Variants in SH3RF3 observed in about 807,000 individuals in gnomAD.
SH3RF3 encodes E3 ubiquitin-protein ligase SH3RF3.
SH3RF3 carries 29 observed loss-of-function variants against 66.3 expected under a neutral mutation model. The ratio of observed to expected loss-of-function variants is 0.44; its 90% CI spans 0.33 to 0.60. The LOEUF (loss-of-function observed/expected upper bound fraction) is 0.60, where lower values mean the gene tolerates loss of function less well. Among genes scored for constraint, SH3RF3 ranks in the 20% least tolerant of loss-of-function variants. The probability of loss-of-function intolerance (pLI) is 0.04; values close to 1 mark genes in which losing one functional copy is unlikely to be tolerated. For synonymous variants in SH3RF3, 583 were observed against 532.0 expected, an observed-to-expected ratio of 1.10 and a Z score of -1.32; for missense variants, 1,194 against 1,190.9, an observed-to-expected ratio of 1.00 and a Z score of -0.04.
Position 109,369,836 on chromosome 2 carries a change from C to T in SH3RF3, c.850-1750C>T, listed in dbSNP as rs563048002. Reference sequence around the variant, plus strand: ...CAGTTTCTCTGATGATTTCTTAGACCCCACCAGCCTAAAACATCTCTCCCT... The same window carrying T: ...CAGTTTCTCTGATGATTTCTTAGACTCCACCAGCCTAAAACATCTCTCCCT... On this transcript the variant is annotated intron_variant, in intron 2 of 9. Transcript: ENST00000309415. Among the ~76,000 whole-genome samples the T allele has an allele frequency of 2.0e-5, 3 of 152,300 alleles. No individual in the cohort carries two copies. The East Asian group carries it at 5.8e-4, about 29-fold the overall frequency.
intron 1 of SH3RF3, among the ~76,000 whole-genome samples, chr2:109,239,218 G>A (rs1003923241): frequency 6.6e-6 from 1 of 151,936 alleles, no homozygotes; most frequent in African/African-American, 2.4e-5. Flanking sequence ...AAAGAGCTGG[G>A]GTCCGTAAAT....
rs1309776769 is a variant in SH3RF3 at position 109,490,914 on chromosome 2, C to T, written c.2458C>T (p.Pro820Ser). 6.6e-7 allele frequency: 1 copy of T among 1,508,966 alleles called. No individual in the cohort carries two copies. The highest frequency in any genetic ancestry group is 1.2e-5 in the South Asian group (1 of 80,212). 93.5% of individuals were successfully genotyped at this position (1,508,966 alleles called of 1,614,324 possible). ...PLSMAAIRPE[P>S]KLLPRERYRV... The stretch of plus-strand genomic sequence containing the variant: ...GTCCATGGCTGCCATCCGCCCCGAG[C>T]CCAAGCTGTTGCCCAGAGAGAGGTA... Residue 820 changes from proline (P) to serine (S), a missense_variant, in exon 9 of 10, where the codon CCC (proline) becomes TCC (serine). By Grantham distance (74) the Pro-to-Ser change is moderately conservative. Transcript: ENST00000309415.
At chr2:109,178,652 A>G (rs1172805299) in intron 1 of SH3RF3, among the ~76,000 whole-genome samples, 3 of 152,176 alleles carry the variant, frequency 2.0e-5, no homozygotes, top group Non-Finnish European at 4.4e-5. Flanking sequence ...TTTATGGATC[A>G]TGCTCCTCTT....
chr2:109,368,275 A>T (rs889446949), intron 2 of SH3RF3, among the ~76,000 whole-genome samples: 2 of 152,106 alleles, frequency 1.3e-5, no homozygotes, highest in Admixed American at 6.5e-5. Context: ...TATTTTTAAC[A>T]TTGAGTATTT....
Position 109,305,662 on chromosome 2 carries a change from G to A in SH3RF3, c.574-42012G>A, listed in dbSNP as rs572756187. On this transcript the variant is annotated intron_variant, in intron 1 of 9. Coordinates refer to ENST00000309415, the MANE Select transcript of SH3RF3 (RefSeq NM_001099289.3). ...TGGGCCTCATGTGCACTCAGCATTC[G>A]CTCAGTTCCACTGCATGCCTGTCAC... Among the ~76,000 whole-genome samples, 6 of 152,302 alleles carry A rather than the reference G, an allele frequency of 3.9e-5. No individual in the cohort carries two copies. In the East Asian group the frequency reaches 7.7e-4, roughly 20 times the overall value.
intron 9 of SH3RF3, among the ~76,000 whole-genome samples, chr2:109,496,819 A>G (rs1679273609): frequency 6.6e-6 from 1 of 152,264 alleles, no homozygotes; most frequent in Admixed American, 6.5e-5. Context: ...GTTGCTAACC[A>G]GCTGACTTTA....
At chr2:109,301,736 A>G (rs1681474060) in intron 1 of SH3RF3, among the ~76,000 whole-genome samples, 1 of 152,006 alleles carries the variant, frequency 6.6e-6, no homozygotes, top group Non-Finnish European at 1.5e-5. Flanking sequence ...ATTCCCATGT[A>G]TTTGCTAAGC....
chr2:109,190,931 C>T (rs1678338514), intron 1 of SH3RF3, among the ~76,000 whole-genome samples: 1 of 151,250 alleles, frequency 6.6e-6, no homozygotes, highest in African/African-American at 2.4e-5. Flanking sequence ...CTACTAGATG[C>T]CAATATTTTT....
chr2:109,247,848 C>T (rs567842987), intron 1 of SH3RF3, among the ~76,000 whole-genome samples: 1 of 152,298 alleles, frequency 6.6e-6, no homozygotes, highest in South Asian at 2.1e-4. Context: ...GGTTCCTCTC[C>T]ACATGGTCTC....
chr2:109,491,326 G>C (rs2104383845), intron 9 of SH3RF3, among the ~76,000 whole-genome samples: 1 of 152,268 alleles, frequency 6.6e-6, no homozygotes, highest in South Asian at 2.1e-4. Context: ...GTCCCACTCA[G>C]GGAGCAGCTC....
chr2:109,215,282 A>G (rs946446882), intron 1 of SH3RF3, among the ~76,000 whole-genome samples: 5 of 152,214 alleles, frequency 3.3e-5, no homozygotes, highest in African/African-American at 4.8e-5. Flanking sequence ...ACTTTGGGTC[A>G]TGGGTAAAGA....
intron 8 of SH3RF3, among the ~76,000 whole-genome samples, chr2:109,464,830 T>TC (rs1405554765): frequency 6.6e-6 from 1 of 152,232 alleles, no homozygotes; most frequent in African/African-American, 2.4e-5. Context: ...TTACCCAATG[T>TC]CCATAGTTTA....
chr2:109,384,264 A>G (rs1041781710), intron 3 of SH3RF3, among the ~76,000 whole-genome samples: 2 of 152,198 alleles, frequency 1.3e-5, no homozygotes, highest in Admixed American at 6.5e-5. Context: ...TCTGCCAGGG[A>G]GGACACAACA....
At chr2:109,220,961 G>A (rs1679219009) in intron 1 of SH3RF3, among the ~76,000 whole-genome samples, 1 of 152,216 alleles carries the variant, frequency 6.6e-6, no homozygotes, top group Admixed American at 6.5e-5. Context: ...AAACAGATAT[G>A]TGTACACCAA....
chr2:109,145,914 C>G (rs1044492335), intron 1 of SH3RF3, among the ~76,000 whole-genome samples: 4 of 152,148 alleles, frequency 2.6e-5, no homozygotes, highest in East Asian at 1.9e-4. Flanking sequence ...AGCCCTGGAG[C>G]CCGAATGCCT....
intron 4 of SH3RF3, among the ~76,000 whole-genome samples, chr2:109,409,621 A>G (rs1343091585): frequency 6.6e-6 from 1 of 152,056 alleles, no homozygotes; most frequent in Non-Finnish European, 1.5e-5. Context: ...TGCTGAAGTT[A>G]TGTGGGCAGA....
At chr2:109,272,503 T>G (rs112098408) in intron 1 of SH3RF3, among the ~76,000 whole-genome samples, 3,050 of 152,302 alleles carry the variant, frequency 0.02, 93 homozygotes, top group African/African-American at 0.07. Context: ...CCTCTAACTG[T>G]GTGCTGCACT....
At chr2:109,299,243 G>A (rs915217964) in intron 1 of SH3RF3, among the ~76,000 whole-genome samples, 1 of 152,194 alleles carries the variant, frequency 6.6e-6, no homozygotes, top group Non-Finnish European at 1.5e-5. Flanking sequence ...TTTCTCCAAA[G>A]GACCTCTCAC....
chr2:109,318,296 C>T (rs1004047832), intron 1 of SH3RF3, among the ~76,000 whole-genome samples: 9 of 152,004 alleles, frequency 5.9e-5, no homozygotes, highest in African/African-American at 1.7e-4. Context: ...TGCGACTGCT[C>T]CTCCTAGCGT....
Sources: gnomAD v4.1 joint callset for allele counts (sites outside exome capture counted in the v4.1 genomes callset) on GRCh38, gnomAD v4.1.1 for gene constraint, MANE v1.5 for transcripts, NCBI Gene and HGNC (gene_info 2026-07-23, HGNC 2026-07-21) for gene names.